Variants in PLD5 observed in about 807,000 individuals in gnomAD.
PLD5 encodes the protein phospholipase D family member 5.
Under a neutral mutation model 61.1 loss-of-function variants are expected in PLD5, and 36 were observed. The ratio of observed to expected loss-of-function variants is 0.59; its 90% confidence interval spans 0.45 to 0.78. The LOEUF (loss-of-function observed/expected upper bound fraction) is 0.78. Ranked by LOEUF, PLD5 falls within the 30% of genes least tolerant of loss-of-function variation. The probability of loss-of-function intolerance (pLI) is 0.00; values close to 1 mark genes in which losing one functional copy is unlikely to be tolerated. For missense variants in PLD5, 515 were observed against 644.4 expected (o/e 0.80, Z 2.17); for synonymous variants, 243 against 242.8 (o/e 1.00, Z -0.01).
chr1:242,371,732 G>C (rs1661645989), intron 1 of PLD5, among the ~76,000 whole-genome samples: 1 of 152,164 alleles, frequency 6.6e-6, no homozygotes, highest in East Asian at 1.9e-4. Context: ...GATTACAAGG[G>C]GGCTACAGAA....
chr1:242,353,824 GTCTT>G (rs1660604905), intron 1 of PLD5, among the ~76,000 whole-genome samples: 1 of 151,864 alleles, frequency 6.6e-6, no homozygotes, highest in Non-Finnish European at 1.5e-5. Flanking sequence ...TGGTGTAAAA[GTCTT>G]TCACCTCCTT....
chr1:242,180,888 C>T (rs919831077), intron 5 of PLD5, among the ~76,000 whole-genome samples: 1 of 152,060 alleles, frequency 6.6e-6, no homozygotes, highest in East Asian at 1.9e-4. Flanking sequence ...GAAGCTGAGG[C>T]AGGAGGGTCA....
intron 3 of PLD5, among the ~76,000 whole-genome samples, chr1:242,272,492 G>A (rs1276036086): frequency 6.6e-6 from 1 of 151,902 alleles, no homozygotes; most frequent in African/African-American, 2.4e-5. Flanking sequence ...TCTTGTAACT[G>A]CCATTAAGAA....
At chr1:242,360,739 C>A (rs1661020668) in intron 1 of PLD5, among the ~76,000 whole-genome samples, 1 of 152,110 alleles carries the variant, frequency 6.6e-6, no homozygotes, top group South Asian at 2.1e-4. Flanking sequence ...GTGGTCATAT[C>A]ATCATCTCCT....
At chr1:242,370,367 G>A (rs1453283068) in intron 1 of PLD5, among the ~76,000 whole-genome samples, 1 of 152,176 alleles carries the variant, frequency 6.6e-6, no homozygotes, top group Non-Finnish European at 1.5e-5. Flanking sequence ...ATTCAGAAAT[G>A]TGGCCTCACT....
intron 5 of PLD5, among the ~76,000 whole-genome samples, chr1:242,127,806 A>G (rs1430465656): frequency 6.6e-6 from 1 of 152,224 alleles, no homozygotes. Flanking sequence ...CTTATGGAAT[A>G]TAAATAAATA....
At chr1:242,336,933 T>C (rs1310732789) in intron 2 of PLD5, among the ~76,000 whole-genome samples, 1 of 152,224 alleles carries the variant, frequency 6.6e-6, no homozygotes, top group East Asian at 1.9e-4. Flanking sequence ...CACACTATCA[T>C]CCATTTATTT....
intron 3 of PLD5, among the ~76,000 whole-genome samples, chr1:242,275,711 A>C (rs1213018896): frequency 2.0e-5 from 3 of 152,210 alleles, no homozygotes; most frequent in Admixed American, 2.0e-4. Context: ...AATCCAGCAT[A>C]AGGCCTCAGG....
intron 4 of PLD5, among the ~76,000 whole-genome samples, chr1:242,263,884 G>C (rs1015051787): frequency 6.6e-6 from 1 of 152,140 alleles, no homozygotes. Context: ...AATCTGTTAG[G>C]CTTCCTAATA....
At chr1:242,184,274 C>T (rs1434271939) in intron 5 of PLD5, among the ~76,000 whole-genome samples, 2 of 152,176 alleles carry the variant, frequency 1.3e-5, no homozygotes, top group African/African-American at 4.8e-5. Context: ...ACTAGGTTTG[C>T]CTTGAAGATT....
intron 3 of PLD5, 56 bp downstream of exon 3, chr1:242,288,306 A>C: frequency 1.3e-6 from 2 of 1,586,100 alleles, no homozygotes; most frequent in Admixed American, 2.0e-5. Flanking sequence ...CAGAATACTA[A>C]GGAGTGGAAA....
chr1:242,332,958 C>T (rs1383388022), intron 2 of PLD5, among the ~76,000 whole-genome samples: 2 of 152,180 alleles, frequency 1.3e-5, no homozygotes, highest in African/African-American at 2.4e-5. Flanking sequence ...GAACGGAGCA[C>T]ATCTCCTGCA....
intron 1 of PLD5, among the ~76,000 whole-genome samples, chr1:242,416,352 T>C (rs1340341481): frequency 6.6e-6 from 1 of 152,088 alleles, no homozygotes; most frequent in African/African-American, 2.4e-5. Flanking sequence ...ATTTTCTATG[T>C]CAAATGTTAA....
At chr1:242,091,551 A>G (rs148558575) in intron 9 of PLD5, among the ~76,000 whole-genome samples, 1 of 152,274 alleles carries the variant, frequency 6.6e-6, no homozygotes, top group Non-Finnish European at 1.5e-5. Flanking sequence ...ATGTCCCAAT[A>G]CCCATAACAG....
At chr1:242,304,792 A>G (rs1040567793) in intron 2 of PLD5, among the ~76,000 whole-genome samples, 5 of 152,256 alleles carry the variant, frequency 3.3e-5, no homozygotes, top group Admixed American at 3.3e-4. Flanking sequence ...TATAAAACAA[A>G]TAACAGTTTT....
intron 2 of PLD5, among the ~76,000 whole-genome samples, chr1:242,300,109 G>T (rs1675936807): frequency 6.6e-6 from 1 of 152,216 alleles, no homozygotes; most frequent in Admixed American, 6.5e-5. Flanking sequence ...CAAAGAATTT[G>T]TGAGCAGAGT....
chr1:242,184,809 G>A (rs932199090), intron 5 of PLD5, among the ~76,000 whole-genome samples: 1 of 152,192 alleles, frequency 6.6e-6, no homozygotes, highest in African/African-American at 2.4e-5. Flanking sequence ...ACTGTGGATG[G>A]AAGAGCAGTA....
intron 1 of PLD5, among the ~76,000 whole-genome samples, chr1:242,456,170 C>T (rs139899374): frequency 3.3e-4 from 50 of 152,312 alleles, no homozygotes; most frequent in Non-Finnish European, 5.7e-4. Flanking sequence ...CTCCTTACTC[C>T]GCCTTGCAAT....
At chr1:242,345,227 G>C (rs1574769684) in intron 2 of PLD5, among the ~76,000 whole-genome samples, 1 of 152,062 alleles carries the variant, frequency 6.6e-6, no homozygotes, top group South Asian at 2.1e-4. Flanking sequence ...GCAGTCTCTT[G>C]GTGCTCTGCC....
Sources: gnomAD v4.1 joint callset for allele counts (sites outside exome capture counted in the v4.1 genomes callset) on GRCh38, gnomAD v4.1.1 for gene constraint, MANE v1.5 for transcripts, NCBI Gene and HGNC (gene_info 2026-07-23, HGNC 2026-07-21) for gene names.